The following CCDC149 variants were observed in gnomAD, a reference collection of about 807,000 sequenced individuals.
The protein encoded by CCDC149 is coiled-coil domain containing 149, also known as coiled-coil domain-containing protein 149.
Under a neutral mutation model 59.9 loss-of-function variants are expected in CCDC149, and 45 were observed. The observed-to-expected ratio is 0.75, with a 90% CI of 0.59 to 0.96. The LOEUF is 0.96. Among genes scored for constraint, CCDC149 ranks in the 40% least tolerant of loss-of-function variants. The pLI is 0.00. For missense variants in CCDC149, 584 were observed against 664.7 expected (o/e 0.88, Z 1.33); for synonymous variants, 245 against 260.6 (o/e 0.94, Z 0.58).
intron 1 of CCDC149, among the ~76,000 whole-genome samples, chr4:24,932,752 G>A (rs976796627): frequency 2.6e-5 from 4 of 152,128 alleles, no homozygotes; most frequent in African/African-American, 9.7e-5. Flanking sequence ...GAATAGGGCA[G>A]AATACCTGAA....
intron 4 of CCDC149, among the ~76,000 whole-genome samples, chr4:24,851,125 G>A (rs1258451428): frequency 6.6e-6 from 1 of 152,202 alleles, no homozygotes; most frequent in Non-Finnish European, 1.5e-5. Flanking sequence ...TTTGATAAAT[G>A]TGCCCAGGTA....
At chr4:24,875,478 T>C (rs1337774852) in intron 2 of CCDC149, among the ~76,000 whole-genome samples, 2 of 152,070 alleles carry the variant, frequency 1.3e-5, no homozygotes, top group Non-Finnish European at 2.9e-5. Context: ...AAAATAAATT[T>C]GGAATTTATT....
chr4:24,838,054 G>C, intron 5 of CCDC149, 102 bp downstream of exon 5: 1 of 914,708 alleles, frequency 1.1e-6, no homozygotes. Context: ...TGCATCCCAG[G>C]CACCCCATAC....
intron 1 of CCDC149, among the ~76,000 whole-genome samples, chr4:24,956,897 T>A (rs4697505): frequency 1.3e-5 from 2 of 152,082 alleles, no homozygotes; most frequent in South Asian, 4.1e-4. Flanking sequence ...TTAGCTTGAA[T>A]GGGGCCCAGA....
At chr4:24,948,815 G>A (rs1723194915) in intron 1 of CCDC149, among the ~76,000 whole-genome samples, 1 of 152,152 alleles carries the variant, frequency 6.6e-6, no homozygotes, top group Admixed American at 6.5e-5. Flanking sequence ...ATTGAATAAT[G>A]AGGGTGGGTC....
chr4:24,884,984 C>T (rs1577449756), intron 1 of CCDC149, among the ~76,000 whole-genome samples: 1 of 152,140 alleles, frequency 6.6e-6, no homozygotes, highest in East Asian at 1.9e-4. Flanking sequence ...GTGGCAGTGA[C>T]AGGGAAAATG....
At chr4:24,963,754 G>A (rs962349949) in intron 1 of CCDC149, among the ~76,000 whole-genome samples, 2 of 152,210 alleles carry the variant, frequency 1.3e-5, no homozygotes, top group African/African-American at 2.4e-5. Flanking sequence ...ATGAGATGTT[G>A]GAGTTATCTG....
chr4:24,872,770 T>G (rs1042015131), intron 3 of CCDC149, among the ~76,000 whole-genome samples: 3 of 151,200 alleles, frequency 2.0e-5, no homozygotes, highest in Admixed American at 6.6e-5. Context: ...CAGAATGGTA[T>G]GCACCCACAG....
Position 24,850,621 on chromosome 4 carries a change from G to A in CCDC149, c.372+2451C>T, listed in dbSNP as rs185748287. 2.0e-3 allele frequency among the ~76,000 whole-genome samples: 300 copies of A among 152,252 alleles called. 3 individuals are homozygous for A. The highest frequency in any genetic ancestry group is 6.6e-3 in the African/African-American group (273 of 41,552). On this transcript the variant is annotated intron_variant, in intron 4 of 12. Coordinates refer to ENST00000635206, the MANE Select transcript of CCDC149 (RefSeq NM_001330643.2). ...TGGCTGCAGAAATGAGTAGGGGTCAGATCATGGGGGCCTAGCACACCATGA... is the reference window on the plus strand; with the variant it reads ...TGGCTGCAGAAATGAGTAGGGGTCAAATCATGGGGGCCTAGCACACCATGA...
rs963276040 is a variant in CCDC149 at position 24,858,321 on chromosome 4, A to G, written c.265-5142T>C. Among the ~76,000 whole-genome samples the G allele has an allele frequency of 2.6e-5, 4 of 152,230 alleles. No individual in the cohort carries two copies. The South Asian group carries it at 6.2e-4, about 24-fold the overall frequency. The stretch of plus-strand genomic sequence containing the variant: ...GGGTTTCACAGGGAAGGAAAACAAA[A>G]CCAAGAGATTCTTTCCTCTAAATCT... On this transcript the variant is annotated intron_variant, in intron 3 of 12. Coordinates refer to ENST00000635206, the MANE Select transcript of CCDC149 (RefSeq NM_001330643.2).
intron 1 of CCDC149, among the ~76,000 whole-genome samples, chr4:24,886,059 A>C (rs1210423686): frequency 6.6e-6 from 1 of 152,250 alleles, no homozygotes; most frequent in Non-Finnish European, 1.5e-5. Context: ...AAGGACATAG[A>C]ACCTCAAAGA....
chr4:24,836,597 T>C, intron 6 of CCDC149, 89 bp from the exon 7 acceptor site: 1 of 798,354 alleles, frequency 1.3e-6, no homozygotes, highest in East Asian at 2.5e-5. Flanking sequence ...AAAAACCACT[T>C]GCCAGAAGAG....
At chr4:24,862,055 C>T (rs946237706) in intron 3 of CCDC149, among the ~76,000 whole-genome samples, 5 of 152,184 alleles carry the variant, frequency 3.3e-5, no homozygotes, top group Non-Finnish European at 7.3e-5. Context: ...TCACCAGAGA[C>T]AGTCGGCACC....
chr4:24,855,367 C>T (rs1027986402), intron 3 of CCDC149, among the ~76,000 whole-genome samples: 1 of 152,138 alleles, frequency 6.6e-6, no homozygotes, highest in Non-Finnish European at 1.5e-5. Context: ...GAGTTCAAGA[C>T]CAGCCTAGCC....
intron 1 of CCDC149, among the ~76,000 whole-genome samples, chr4:24,925,303 T>C (rs1722408102): frequency 1.3e-5 from 2 of 152,206 alleles, no homozygotes; most frequent in Non-Finnish European, 2.9e-5. Context: ...TCTTCATGGC[T>C]CTTGGTTCAG....
chr4:24,876,469 T>C, intron 2 of CCDC149, 67 bp downstream of exon 2: 2 of 1,491,936 alleles, frequency 1.3e-6, no homozygotes, highest in Non-Finnish European at 9.0e-7. Context: ...AAACAGCATG[T>C]GAAAATCTCT....
At chr4:24,882,920 C>G (rs1408544154) in intron 1 of CCDC149, among the ~76,000 whole-genome samples, 1 of 152,322 alleles carries the variant, frequency 6.6e-6, no homozygotes, top group Admixed American at 6.5e-5. Flanking sequence ...GCTAAGCATT[C>G]ATTAGATTTC....
At chr4:24,968,060 G>T (rs936798433) in intron 1 of CCDC149, among the ~76,000 whole-genome samples, 1 of 152,216 alleles carries the variant, frequency 6.6e-6, no homozygotes, top group African/African-American at 2.4e-5. Flanking sequence ...GGATTGGGAT[G>T]ATGCAGCTGA....
intron 3 of CCDC149, among the ~76,000 whole-genome samples, chr4:24,866,816 C>T (rs1454902944): frequency 1.7e-5 from 1 of 59,122 alleles, no homozygotes; most frequent in Non-Finnish European, 3.3e-5. Flanking sequence ...TATACACACA[C>T]ACACACCCAC....
Sources: gnomAD v4.1 joint callset for allele counts (sites outside exome capture counted in the v4.1 genomes callset) on GRCh38, gnomAD v4.1.1 for gene constraint, MANE v1.5 for transcripts, NCBI Gene and HGNC (gene_info 2026-07-23, HGNC 2026-07-21) for gene names.